Variants in FSTL5 observed in about 807,000 individuals in gnomAD.
FSTL5 encodes follistatin like 5.
Under a neutral mutation model 89.1 loss-of-function variants are expected in FSTL5, and 62 were observed. The ratio of observed to expected loss-of-function variants is 0.70; its 90% CI spans 0.57 to 0.86. The LOEUF is 0.86. Among genes scored for constraint, FSTL5 ranks in the 40% least tolerant of loss-of-function variants. FSTL5 has a pLI of 0.00. For synonymous variants in FSTL5, 383 were observed against 346.2 expected (o/e 1.11, Z -1.18); for missense variants, 1,057 against 1,001.6 (o/e 1.06, Z -0.75).
intron 12 of FSTL5, among the ~76,000 whole-genome samples, chr4:161,493,335 T>C (rs978755148): frequency 6.6e-6 from 1 of 151,796 alleles, no homozygotes; most frequent in African/African-American, 2.4e-5. Flanking sequence ...ATACAAGAAA[T>C]ATCATCACTA....
intron 15 of FSTL5, 148 bp downstream of exon 15, chr4:161,454,856 G>T (rs1337542098): frequency 1.5e-6 from 1 of 651,724 alleles, no homozygotes; most frequent in Non-Finnish European, 2.6e-6. Context: ...ATAAACAAAG[G>T]TTCAGTAAGC....
chr4:161,513,311 C>T (rs62324302), intron 10 of FSTL5, among the ~76,000 whole-genome samples: 1 of 53,244 alleles, frequency 1.9e-5, no homozygotes, highest in Non-Finnish European at 4.3e-5. Flanking sequence ...GAGAGAGAGA[C>T]AGAGGAAGAG....
intron 6 of FSTL5, among the ~76,000 whole-genome samples, chr4:161,672,334 C>T (rs374049233): frequency 1.3e-5 from 2 of 152,132 alleles, no homozygotes; most frequent in East Asian, 3.9e-4. Context: ...CAGTTTACGA[C>T]CCAAGAATAT....
Position 161,469,640 on chromosome 4 carries a change from A to AT in FSTL5, c.1609-10322dup, listed in dbSNP as rs34810071. Among the ~76,000 whole-genome samples, 117 of 136,070 alleles carry AT rather than the reference A, an allele frequency of 8.6e-4. 2 individuals are homozygous for AT. The highest frequency in any genetic ancestry group is 3.8e-3 in the Middle Eastern group (1 of 266). The allele number at this position is 136,070 out of a possible 152,430, so 89.3% of individuals were successfully genotyped here. A position where few individuals can be genotyped will look rare whatever the true frequency, so the allele number is the denominator to read the frequency against. On this transcript the variant is annotated intron_variant, in intron 13 of 15. Coordinates refer to ENST00000306100, the MANE Select transcript of FSTL5 (RefSeq NM_020116.5). The stretch of plus-strand genomic sequence containing the variant: ...AGTTCTTTGCCCACTTTATTTATCT[A>AT]TTTTTTTTTTTTTTTGAAGCGGAGT...
At position 161,613,885 on chromosome 4, in the gene FSTL5, C is replaced by A. The variant is rs370007637; in HGVS notation, c.895-26310G>T. Among the ~76,000 whole-genome samples the A allele has an allele frequency of 7.2e-5, 11 of 152,228 alleles. No individual in the cohort carries two copies. In the East Asian group the frequency reaches 1.5e-3, roughly 21 times the overall value. On this transcript the variant is annotated intron_variant, in intron 7 of 15. Transcript: ENST00000306100. ...GCTAAACACTTTGAAACAAACTATG[C>A]AACATGAATTTCTAATATAGTTTAA...
At chr4:161,844,235 A>C (rs1731299452) in intron 4 of FSTL5, among the ~76,000 whole-genome samples, 1 of 152,200 alleles carries the variant, frequency 6.6e-6, no homozygotes, top group Admixed American at 6.6e-5. Context: ...TCAAAATGTC[A>C]TACAATCTCA....
At chr4:161,967,197 T>C (rs1334803272) in intron 3 of FSTL5, among the ~76,000 whole-genome samples, 2 of 152,056 alleles carry the variant, frequency 1.3e-5, no homozygotes, top group East Asian at 1.9e-4. Flanking sequence ...TGTTACATCA[T>C]CTTAAAATTG....
chr4:161,913,851 G>A (rs190690096), intron 4 of FSTL5, among the ~76,000 whole-genome samples: 8 of 152,218 alleles, frequency 5.3e-5, no homozygotes, highest in Non-Finnish European at 8.8e-5. Flanking sequence ...ACCTGTACCC[G>A]CATTGTATCT....
intron 3 of FSTL5, among the ~76,000 whole-genome samples, chr4:162,006,426 G>T (rs2111119446): frequency 6.6e-6 from 1 of 151,946 alleles, no homozygotes; most frequent in African/African-American, 2.4e-5. Flanking sequence ...TGATACTAGG[G>T]AAATGATAAA....
chr4:161,982,159 T>A (rs1038979726), intron 3 of FSTL5, among the ~76,000 whole-genome samples: 3 of 152,176 alleles, frequency 2.0e-5, no homozygotes, highest in African/African-American at 7.2e-5. Context: ...CATGGCTTCA[T>A]AAATAACAAC....
intron 3 of FSTL5, among the ~76,000 whole-genome samples, chr4:161,980,551 C>T (rs536723725): frequency 6.6e-6 from 1 of 151,590 alleles, no homozygotes; most frequent in Admixed American, 6.6e-5. Context: ...TCTCTTTCTT[C>T]CTTGTTTTAT....
chr4:162,057,202 C>T (rs141127872), intron 2 of FSTL5, among the ~76,000 whole-genome samples: 1,685 of 152,306 alleles, frequency 0.011, 19 homozygotes, highest in Non-Finnish European at 0.015. Context: ...ATTCCAGGAA[C>T]CTCATTTCAC....
At chr4:161,779,275 C>CA (rs899743102) in intron 4 of FSTL5, among the ~76,000 whole-genome samples, 6 of 151,518 alleles carry the variant, frequency 4.0e-5, no homozygotes, top group Non-Finnish European at 5.9e-5. Context: ...ATAAAATAAC[C>CA]AAAAAAAATT....
At position 162,000,647 on chromosome 4, in the gene FSTL5, T is replaced by C. The variant is rs187522074; in HGVS notation, c.160+32978A>G. On this transcript the variant is annotated intron_variant, in intron 3 of 15. Transcript: ENST00000306100. ...ACAACAACAAAATATATATACAAAA[T>C]GATAAAACTAAGGTTAAAAGGTTAA... Among the ~76,000 whole-genome samples the C allele has an allele frequency of 1.2e-3, 187 of 150,268 alleles. 1 individual carries two copies. The highest frequency in any genetic ancestry group is 4.2e-3 in the African/African-American group (173 of 40,978).
intron 15 of FSTL5, among the ~76,000 whole-genome samples, chr4:161,408,548 C>T (rs1467187571): frequency 6.6e-6 from 1 of 152,178 alleles, no homozygotes; most frequent in Non-Finnish European, 1.5e-5. Context: ...AGCTCACTAG[C>T]TCCCTAGCAA....
chr4:162,146,752 T>C (rs1419747462), intron 1 of FSTL5, among the ~76,000 whole-genome samples: 6 of 117,836 alleles, frequency 5.1e-5, no homozygotes, highest in Admixed American at 4.1e-4. Context: ...TCTTTCTCCT[T>C]TCTCTCTCTC....
chr4:161,877,731 C>T (rs556298870), intron 4 of FSTL5, among the ~76,000 whole-genome samples: 139 of 152,030 alleles, frequency 9.1e-4, no homozygotes, highest in African/African-American at 3.3e-3. Flanking sequence ...GAGGCTGAGG[C>T]AGGAGAATGG....
At chr4:161,395,858 C>T (rs563781402) in intron 15 of FSTL5, among the ~76,000 whole-genome samples, 3 of 152,176 alleles carry the variant, frequency 2.0e-5, no homozygotes, top group South Asian at 2.1e-4. Context: ...AAATATAAAG[C>T]TACCTCAAGA....
intron 8 of FSTL5, among the ~76,000 whole-genome samples, chr4:161,566,624 T>A (rs988532277): frequency 6.6e-6 from 1 of 152,070 alleles, no homozygotes; most frequent in East Asian, 1.9e-4. Flanking sequence ...CTGTTGTTTT[T>A]AGACTTTTTA....
Sources: gnomAD v4.1 joint callset for allele counts (sites outside exome capture counted in the v4.1 genomes callset) on GRCh38, gnomAD v4.1.1 for gene constraint, MANE v1.5 for transcripts, NCBI Gene and HGNC (gene_info 2026-07-23, HGNC 2026-07-21) for gene names.